APBB2: variants seen among roughly 807,000 people sequenced by gnomAD.
The protein encoded by APBB2 is Fe65-like 1.
A neutral mutation model predicts 82.5 loss-of-function variants in APBB2; 38 were observed. The observed-to-expected ratio is 0.46, with a 90% confidence interval of 0.36 to 0.60. The LOEUF is 0.60. Ranked by LOEUF, APBB2 falls within the 20% of genes least tolerant of loss-of-function variation. The pLI is 0.00. For missense variants in APBB2, 772 were observed against 972.3 expected, an observed-to-expected ratio of 0.79 and a Z score of 2.74; for synonymous variants, 341 against 368.2, an observed-to-expected ratio of 0.93 and a Z score of 0.85.
intron 6 of APBB2, among the ~76,000 whole-genome samples, chr4:41,011,898 G>T (rs57205011): frequency 0.046 from 6,992 of 151,962 alleles, 340 homozygotes; most frequent in African/African-American, 0.13. Context: ...AGTCTCGCTC[G>T]ATCACCCAGG....
chr4:41,112,820 T>A (rs1170818869), intron 2 of APBB2, among the ~76,000 whole-genome samples: 1 of 152,124 alleles, frequency 6.6e-6, no homozygotes, highest in Non-Finnish European at 1.5e-5. Context: ...AAACCCCATC[T>A]GTACTAAAAA....
intron 12 of APBB2, among the ~76,000 whole-genome samples, chr4:40,834,688 G>A (rs796149143): frequency 2.0e-5 from 3 of 152,238 alleles, no homozygotes; most frequent in Admixed American, 6.5e-5. Context: ...AAGGGAAGGC[G>A]GGAGGCACTT....
intron 6 of APBB2, among the ~76,000 whole-genome samples, chr4:40,945,621 CT>C (rs1217990880): frequency 1.3e-5 from 2 of 151,918 alleles, no homozygotes; most frequent in African/African-American, 4.8e-5. Flanking sequence ...CTCTAGAATT[CT>C]TTTTTTTCAA....
chr4:41,207,067 C>T (rs1434006687), intron 1 of APBB2, among the ~76,000 whole-genome samples: 2 of 151,866 alleles, frequency 1.3e-5, no homozygotes, highest in Admixed American at 6.6e-5. Flanking sequence ...GATACAGTGG[C>T]GGGCACCTGT....
chr4:40,982,270 GA>G (rs1798833827), intron 6 of APBB2, among the ~76,000 whole-genome samples: 2 of 34,402 alleles, frequency 5.8e-5, no homozygotes, highest in South Asian at 1.0e-3. Context: ...AAGAAAGAAA[GA>G]AAGAAAGAAA....
At chr4:40,911,663 A>G (rs550495457) in intron 10 of APBB2, among the ~76,000 whole-genome samples, 2 of 152,230 alleles carry the variant, frequency 1.3e-5, no homozygotes, top group South Asian at 4.2e-4. Flanking sequence ...GAACCTGCAG[A>G]CTGGAGCCCA....
intron 6 of APBB2, among the ~76,000 whole-genome samples, chr4:40,983,171 C>A (rs1436302460): frequency 6.6e-6 from 1 of 152,184 alleles, no homozygotes; most frequent in Admixed American, 6.5e-5. Flanking sequence ...AAATGAGGAA[C>A]AGGGAGGCAA....
At chr4:40,964,851 T>C (rs543356963) in intron 6 of APBB2, among the ~76,000 whole-genome samples, 1 of 151,682 alleles carries the variant, frequency 6.6e-6, no homozygotes, top group South Asian at 2.1e-4. Flanking sequence ...CCGGTAGTGG[T>C]GGCTCACACC....
At chr4:40,881,528 C>CTTTTCTTTTTTTT (rs1553952936) in intron 12 of APBB2, 40 of 154,902 alleles carry the variant, frequency 2.6e-4, no homozygotes, top group Non-Finnish European at 3.2e-4. Context: ...CTTTTCTTTT[C>CTTTTCTTTTTTTT]TTTTTCTTTT....
chr4:41,101,595 G>A (rs1038858701), intron 2 of APBB2, among the ~76,000 whole-genome samples: 3 of 151,374 alleles, frequency 2.0e-5, no homozygotes, highest in Non-Finnish European at 4.4e-5. Flanking sequence ...AGATAAGAAT[G>A]GGAAGAGAAA....
chr4:40,953,600 G>C (rs1174491168), intron 6 of APBB2, among the ~76,000 whole-genome samples: 1 of 152,118 alleles, frequency 6.6e-6, no homozygotes, highest in African/African-American at 2.4e-5. Context: ...CCCGAATTCT[G>C]CTCCAGTAAA....
In APBB2 at chr4:40,821,881, G is replaced by A. The variant is rs1395471465; in HGVS notation, c.2102C>T (p.Ala701Val). ...ACCGGGATAACTCACCATGCAGGCG[G>A]CCTGCACCGCCTCAGACACGTTACC... ...NAGNVSEAVQAACMLRYQKCL... is the reference protein window; with the variant it reads ...NAGNVSEAVQVACMLRYQKCL... The change falls in exon 17 of 18, where the codon GCC becomes GTC. Residue 701 changes from alanine (A) to valine (V), a missense_variant. By Grantham distance (64) the Ala-to-Val change is moderately conservative (BLOSUM62 0). Coordinates refer to ENST00000508593, the MANE Select transcript of APBB2 (RefSeq NM_004307.2). 6.2e-7 allele frequency: 1 copy of A among 1,613,138 alleles called. No individual in the cohort carries two copies. The highest frequency in any genetic ancestry group is 8.5e-7 in the Non-Finnish European group (1 of 1,180,004).
chr4:40,881,536 T>TTTTTTTTA, intron 12 of APBB2: 1 of 211,476 alleles, frequency 4.7e-6, no homozygotes, highest in Non-Finnish European at 7.5e-6. Context: ...TTCTTTTTCT[T>TTTTTTTTA]TTTTTTTTTT....
intron 12 of APBB2, among the ~76,000 whole-genome samples, chr4:40,837,521 CCA>C (rs1199238922): frequency 2.0e-5 from 3 of 152,190 alleles, no homozygotes. Context: ...AACATCACTC[CCA>C]GTTTTTCCAA....
intron 5 of APBB2, among the ~76,000 whole-genome samples, chr4:41,027,586 C>T (rs1714966053): frequency 1.3e-5 from 2 of 151,772 alleles, no homozygotes; most frequent in Non-Finnish European, 2.9e-5. Flanking sequence ...TTTTCATTTC[C>T]CTTTCATTTT....
chr4:41,103,284 C>T (rs887191292), intron 2 of APBB2, among the ~76,000 whole-genome samples: 13 of 152,052 alleles, frequency 8.5e-5, no homozygotes, highest in African/African-American at 2.4e-4. Context: ...ATCAAGATGA[C>T]GGTGTTATAA....
chr4:40,873,681 G>A (rs1022635811), intron 12 of APBB2, among the ~76,000 whole-genome samples: 1 of 152,230 alleles, frequency 6.6e-6, no homozygotes, highest in Non-Finnish European at 1.5e-5. Context: ...TTAGGGCTGA[G>A]GTGGTTCTGT....
Position 40,815,964 on chromosome 4 carries a change from T to G in APBB2, c.*128A>C. 9.9e-7 allele frequency: 1 copy of G among 1,010,496 alleles called. No homozygotes were observed. Among genetic ancestry groups the G allele is most frequent in the Non-Finnish European group, 1.5e-6 (1 of 672,554 alleles). The allele number at this position is 1,010,496 out of a possible 1,614,324, so 62.6% of individuals were successfully genotyped here. A position where few individuals can be genotyped will look rare whatever the true frequency, so the allele number is the denominator to read the frequency against. On this transcript the variant is annotated 3_prime_UTR_variant, in exon 18 of 18. Transcript: ENST00000508593. Reference sequence around the variant, plus strand: ...GAGAACATGCTTGTCTAACACTGCTTGGTTAAGGGTAAATTCTCTGAAGAC... The same window carrying G: ...GAGAACATGCTTGTCTAACACTGCTGGGTTAAGGGTAAATTCTCTGAAGAC...
intron 6 of APBB2, among the ~76,000 whole-genome samples, chr4:40,960,638 G>A (rs1038666447): frequency 3.3e-5 from 5 of 151,738 alleles, no homozygotes; most frequent in African/African-American, 9.7e-5. Flanking sequence ...TAGTAGAGAC[G>A]GGGTTTCACC....
Sources: gnomAD v4.1 joint callset for allele counts (sites outside exome capture counted in the v4.1 genomes callset) on GRCh38, gnomAD v4.1.1 for gene constraint, MANE v1.5 for transcripts, NCBI Gene and HGNC (gene_info 2026-07-23, HGNC 2026-07-21) for gene names.